Variants in GRIK2 observed in about 807,000 individuals in gnomAD.
The protein encoded by GRIK2 is glutamate receptor ionotropic, kainate 2.
GRIK2 carries 32 observed loss-of-function variants against 100.3 expected under a neutral mutation model. That is an observed-to-expected ratio of 0.32 (90% CI 0.24 to 0.43). GRIK2 has a LOEUF of 0.43. GRIK2 is among the 20% of genes least tolerant of loss of function. The pLI is 1.00. For synonymous variants in GRIK2, 417 were observed against 389.4 expected, an observed-to-expected ratio of 1.07 and a Z score of -0.83; for missense variants, 843 against 1,114.9, an observed-to-expected ratio of 0.76 and a Z score of 3.47.
intron 7 of GRIK2, among the ~76,000 whole-genome samples, chr6:101,774,980 T>C (rs914229825): frequency 3.3e-5 from 5 of 152,186 alleles, no homozygotes; most frequent in African/African-American, 1.2e-4. Flanking sequence ...ACTTCATGTA[T>C]TGAACATCAT....
rs541670618 is a variant in GRIK2 at position 101,535,842 on chromosome 6, C to T, written c.116-86107C>T. ...CTTTTAATGACAGTAAGCACCTAAACGAAGTATTGTGCAAATGTTTTGGTC... is the reference window on the plus strand; with the variant it reads ...CTTTTAATGACAGTAAGCACCTAAATGAAGTATTGTGCAAATGTTTTGGTC... On this transcript the variant is annotated intron_variant, in intron 2 of 16. Transcript: ENST00000369134. 4.6e-5 allele frequency among the ~76,000 whole-genome samples: 7 copies of T among 151,566 alleles called. No homozygotes were observed. The South Asian group carries it at 6.2e-4, about 13-fold the overall frequency.
rs562867524 is a variant in GRIK2 at position 101,712,935 on chromosome 6, G to C, written c.951+26582G>C. 1.7e-3 allele frequency among the ~76,000 whole-genome samples: 257 copies of C among 151,850 alleles called. 1 individual carries two copies. The highest frequency in any genetic ancestry group is 5.6e-3 in the African/African-American group (234 of 41,458). On this transcript the variant is annotated intron_variant, in intron 7 of 16. Coordinates refer to ENST00000369134, the MANE Select transcript of GRIK2 (RefSeq NM_021956.5). ...TCATAAAAAGTAGAGCTCTTCAAAA[G>C]GTTAGGCCTATCTCCCTACCAGTAT...
At chr6:102,056,744 TATGTC>T (rs1771480977) in intron 16 of GRIK2, among the ~76,000 whole-genome samples, 1 of 151,982 alleles carries the variant, frequency 6.6e-6, no homozygotes. Flanking sequence ...TCTAATAACT[TATGTC>T]ATAATTATTT....
At chr6:101,530,579 GA>G (rs1775390760) in intron 2 of GRIK2, among the ~76,000 whole-genome samples, 1 of 151,804 alleles carries the variant, frequency 6.6e-6, no homozygotes. Context: ...GCAGATCCTG[GA>G]AAACCTTGAA....
intron 14 of GRIK2, among the ~76,000 whole-genome samples, chr6:102,014,484 T>C (rs1795723943): frequency 6.6e-6 from 1 of 152,146 alleles, no homozygotes. Context: ...TTTTCCTAGC[T>C]TTTGTGCTTG....
At chr6:101,950,397 A>G (rs1439634062) in intron 14 of GRIK2, among the ~76,000 whole-genome samples, 1 of 152,156 alleles carries the variant, frequency 6.6e-6, no homozygotes, top group Non-Finnish European at 1.5e-5. Flanking sequence ...CTAAAACTTG[A>G]AAGCAGGCCT....
chr6:101,906,366 C>CTCTGTGTGTGTGTGTGTGTGTGTG (rs1554283801), intron 12 of GRIK2, among the ~76,000 whole-genome samples: 6 of 145,836 alleles, frequency 4.1e-5, no homozygotes, highest in East Asian at 2.0e-4. Context: ...AAAACAAGAT[C>CTCTGTGTGTGTGTGTGTGTGTGTG]TGTGTGTGTG....
intron 2 of GRIK2, among the ~76,000 whole-genome samples, chr6:101,452,094 T>C (rs1003117150): frequency 1.3e-5 from 2 of 151,818 alleles, no homozygotes; most frequent in Non-Finnish European, 2.9e-5. Context: ...ATGTTTCTTA[T>C]GAAAGTGACA....
chr6:101,492,019 G>T (rs571590171), intron 2 of GRIK2, among the ~76,000 whole-genome samples: 98 of 151,918 alleles, frequency 6.5e-4, no homozygotes, highest in Middle Eastern at 3.4e-3. Context: ...GGTACAAGAA[G>T]TTAGGATGTA....
chr6:101,846,871 A>AT (rs994695907), intron 10 of GRIK2, among the ~76,000 whole-genome samples: 124 of 151,010 alleles, frequency 8.2e-4, no homozygotes, highest in African/African-American at 2.8e-3. Flanking sequence ...TTTTCATCTG[A>AT]TTTTTTTTGC....
At chr6:101,598,370 C>G (rs1779027574) in intron 2 of GRIK2, among the ~76,000 whole-genome samples, 1 of 151,592 alleles carries the variant, frequency 6.6e-6, no homozygotes, top group Non-Finnish European at 1.5e-5. Context: ...AAGATGCATA[C>G]TCCAGACTGA....
intron 13 of GRIK2, 150 bp from the exon 14 acceptor site, chr6:101,928,265 A>G (rs553533103): frequency 1.1e-3 from 664 of 606,884 alleles, no homozygotes; most frequent in Admixed American, 3.4e-3. Context: ...TGCTTTCCCA[A>G]TGGTTGTTGC....
chr6:101,396,524 C>T (rs1292694313), intron 1 of GRIK2, among the ~76,000 whole-genome samples: 3 of 151,638 alleles, frequency 2.0e-5, no homozygotes, highest in Non-Finnish European at 2.9e-5. Flanking sequence ...TGCCCTATTA[C>T]AAAAAAAGAT....
intron 7 of GRIK2, among the ~76,000 whole-genome samples, chr6:101,775,325 C>G (rs1778671895): frequency 6.6e-6 from 1 of 152,186 alleles, no homozygotes; most frequent in Non-Finnish European, 1.5e-5. Flanking sequence ...TTATTCATGA[C>G]ATTAATTCTG....
At chr6:101,475,250 C>T (rs1047359710) in intron 2 of GRIK2, among the ~76,000 whole-genome samples, 3 of 151,882 alleles carry the variant, frequency 2.0e-5, no homozygotes, top group Non-Finnish European at 4.4e-5. Flanking sequence ...TGACTGAATT[C>T]TATCATCCTC....
intron 2 of GRIK2, among the ~76,000 whole-genome samples, chr6:101,508,304 T>C (rs1005031574): frequency 6.6e-6 from 1 of 152,110 alleles, no homozygotes; most frequent in Admixed American, 6.5e-5. Context: ...ATGAGATAAG[T>C]TTCTGCTCTT....
At chr6:102,068,284 T>A in intron 16 of GRIK2, 63 bp from the exon 17 acceptor site, 1 of 1,195,952 alleles carries the variant, frequency 8.4e-7, no homozygotes, top group Non-Finnish European at 1.2e-6. Flanking sequence ...ATTTTAATAT[T>A]GATCTTGGAC....
At chr6:101,823,357 AT>A (rs71717742) in intron 10 of GRIK2, among the ~76,000 whole-genome samples, 3 of 150,638 alleles carry the variant, frequency 2.0e-5, no homozygotes, top group Admixed American at 6.6e-5. Context: ...TATTTTATAT[AT>A]TTTTTTATTT....
intron 4 of GRIK2, among the ~76,000 whole-genome samples, chr6:101,630,473 C>T (rs1359949373): frequency 5.3e-5 from 8 of 151,930 alleles, no homozygotes; most frequent in Admixed American, 4.6e-4. Context: ...TGATGCTGAA[C>T]GTTTCTTTCA....
Sources: gnomAD v4.1 joint callset for allele counts (sites outside exome capture counted in the v4.1 genomes callset) on GRCh38, gnomAD v4.1.1 for gene constraint, MANE v1.5 for transcripts, NCBI Gene and HGNC (gene_info 2026-07-23, HGNC 2026-07-21) for gene names.